RPS6KA1: variants seen among roughly 807,000 people sequenced by gnomAD.
RPS6KA1 encodes ribosomal protein S6 kinase A1, also known as ribosomal protein S6 kinase alpha-1.
A neutral mutation model predicts 91.3 loss-of-function variants in RPS6KA1; 48 were observed. The observed-to-expected ratio is 0.53, with a 90% CI of 0.42 to 0.67. The LOEUF is 0.67. Among genes scored for constraint, RPS6KA1 ranks in the 30% least tolerant of loss-of-function variants. The probability of loss-of-function intolerance (pLI) is 0.00; values close to 1 mark genes in which losing one functional copy is unlikely to be tolerated. For synonymous variants in RPS6KA1, 359 were observed against 384.7 expected (o/e 0.93, Z 0.78); for missense variants, 719 against 960.5 (o/e 0.75, Z 3.32).
Position 26,555,170 on chromosome 1 carries a change from C to T in RPS6KA1, c.776C>T (p.Ser259Phe). 6.2e-7 allele frequency: 1 copy of T among 1,614,124 alleles called. No homozygotes were observed. Among genetic ancestry groups the T allele is most frequent in the Non-Finnish European group, 8.5e-7 (1 of 1,179,992 alleles). The change falls in exon 10 of 22, where the codon TCC becomes TTC. Residue 259 changes from serine (S) to phenylalanine (F), a missense_variant. Ser to Phe is a radical substitution (Grantham distance 155, BLOSUM62 -2). Around this residue, in one of 5 missense-constraint regions of RPS6KA1, gnomAD observed 228 missense variants for 247.6 expected, o/e 0.92. Transcript: ENST00000374168. This position sits in a 1 kb window ranked among gnomAD's most constrained non-coding sequence, Gnocchi z 4.3. Reference protein sequence around the residue: ...GVLMFEMLTGSLPFQGKDRKE... With the variant: ...GVLMFEMLTGFLPFQGKDRKE... ...CTGCAGTTTGAGATGCTGACGGGCT[C>T]CCTGCCCTTCCAGGGGAAGGACCGG...
intron 17 of RPS6KA1, among the ~76,000 whole-genome samples, chr1:26,565,784 C>A (rs139035107): frequency 9.9e-5 from 15 of 152,070 alleles, no homozygotes; most frequent in African/African-American, 3.4e-4. Flanking sequence ...CTGGTCTCGA[C>A]CTCCTGACCT....
chr1:26,530,726 C>A, intron 1 of RPS6KA1: 1 of 1,279,894 alleles, frequency 7.8e-7, no homozygotes, highest in Non-Finnish European at 1.0e-6. Context: ...CCCAGACAAC[C>A]CAGCTCCTTC....
At chr1:26,542,006 C>T (rs1204001641) in intron 2 of RPS6KA1, among the ~76,000 whole-genome samples, 1 of 152,320 alleles carries the variant, frequency 6.6e-6, no homozygotes, top group Admixed American at 6.5e-5. Context: ...GTCCTCCCCC[C>T]GCCCGCCACC....
At chr1:26,532,674 G>A (rs891052367) in intron 1 of RPS6KA1, among the ~76,000 whole-genome samples, 1 of 152,252 alleles carries the variant, frequency 6.6e-6, no homozygotes, top group Non-Finnish European at 1.5e-5. Flanking sequence ...GCTGCTTCCT[G>A]CCTGTGGGGC....
In RPS6KA1 at chr1:26,551,841, G is replaced by A. The variant is rs2076053589; in HGVS notation, c.468+118G>A. On this transcript the variant is annotated intron_variant, in intron 6 of 21. Coordinates refer to ENST00000374168, the MANE Select transcript of RPS6KA1 (RefSeq NM_002953.4). This position sits in a 1 kb window ranked among gnomAD's most constrained non-coding sequence, Gnocchi z 4.5. Reference sequence around the variant, plus strand: ...ATGGCTTGAACCTGGAACCACCCAGGCCTGCCTAGCAGCCCCTGGCCCAGG... The same window carrying A: ...ATGGCTTGAACCTGGAACCACCCAGACCTGCCTAGCAGCCCCTGGCCCAGG... 1.2e-6 allele frequency: 1 copy of A among 857,144 alleles called. No homozygotes were observed. The highest frequency in any genetic ancestry group is 1.9e-6 in the Non-Finnish European group (1 of 520,008). 53.1% of individuals were successfully genotyped at this position (857,144 alleles called of 1,614,324 possible). A position where few individuals can be genotyped will look rare whatever the true frequency, so the allele number is the denominator to read the frequency against.
Position 26,551,557 on chromosome 1 carries a change from C to T in RPS6KA1, c.388+80C>T. ...TGTGGTCTGTACACTGTCCCACCGC[C>T]TGCCTGGCAGGCCAAGGGAGCCAGG... On this transcript the variant is annotated intron_variant, in intron 5 of 21. Coordinates refer to ENST00000374168, the MANE Select transcript of RPS6KA1 (RefSeq NM_002953.4). The surrounding 1 kb of genome is among the most constrained non-coding windows in gnomAD (Gnocchi z 4.5). The T allele has an allele frequency of 1.2e-6, 2 of 1,600,208 alleles. No individual in the cohort carries two copies. Among genetic ancestry groups the T allele is most frequent in the Admixed American group, 1.7e-5 (1 of 59,992 alleles).
chr1:26,553,523 C>G (rs745988842), intron 7 of RPS6KA1, 26 bp downstream of exon 7: 2 of 1,515,096 alleles, frequency 1.3e-6, no homozygotes, highest in South Asian at 2.3e-5. Flanking sequence ...AGCCCCACCC[C>G]AGCCTCCCCA....
Position 26,556,708 on chromosome 1 carries a change from T to C in RPS6KA1, c.971T>C (p.Ile324Thr), listed in dbSNP as rs1407828108. Residue 324 changes from isoleucine (I) to threonine (T), a missense_variant, in exon 12 of 22, where the codon ATT (isoleucine) becomes ACT (threonine). Ile to Thr is a moderately conservative substitution (Grantham distance 89, BLOSUM62 -1). This residue lies in a region of RPS6KA1 where 228 missense variants were observed against 247.6 expected (regional missense o/e 0.92). Coordinates refer to ENST00000374168, the MANE Select transcript of RPS6KA1 (RefSeq NM_002953.4). ...AAGCGGCATGTCTTCTACTCCACCA[T>C]TGACTGGAATGTGAGTGTGTCCACC... ...EIKRHVFYSTIDWNKLYRREI... is the reference protein window; with the variant it reads ...EIKRHVFYSTTDWNKLYRREI... 6.2e-7 allele frequency: 1 copy of C among 1,614,132 alleles called. No individual in the cohort carries two copies. Among genetic ancestry groups the C allele is most frequent in the Non-Finnish European group, 8.5e-7 (1 of 1,179,998 alleles).
intron 2 of RPS6KA1, among the ~76,000 whole-genome samples, chr1:26,539,774 C>G (rs540607042): frequency 5.1e-4 from 77 of 152,320 alleles, no homozygotes; most frequent in Non-Finnish European, 9.4e-4. Flanking sequence ...CACGTGGTAC[C>G]CTAAGGCACA....
At chr1:26,546,539 G>A (rs2075996104) in intron 2 of RPS6KA1, among the ~76,000 whole-genome samples, 1 of 152,158 alleles carries the variant, frequency 6.6e-6, no homozygotes, top group African/African-American at 2.4e-5. Context: ...ACAGGGGGAG[G>A]GAAGCCCCAC....
At chr1:26,543,028 C>T in intron 2 of RPS6KA1, 1 of 937,938 alleles carries the variant, frequency 1.1e-6, no homozygotes, top group Non-Finnish European at 1.6e-6. Context: ...GACCCATCAT[C>T]TGCCCCTCCT....
At chr1:26,530,252 C>A (rs1369275126) in intron 1 of RPS6KA1, among the ~76,000 whole-genome samples, 1 of 152,220 alleles carries the variant, frequency 6.6e-6, no homozygotes, top group Non-Finnish European at 1.5e-5. Flanking sequence ...TCACCCCACA[C>A]CTAGGACCCG....
At position 26,571,839 on chromosome 1, in the gene RPS6KA1, C is replaced by T. The variant is rs753147895; in HGVS notation, c.1753-10C>T. The T allele has an allele frequency of 1.2e-6, 2 of 1,607,798 alleles. No homozygotes were observed. Among genetic ancestry groups the T allele is most frequent in the Admixed American group, 1.7e-5 (1 of 59,994 alleles). On this transcript the variant is annotated splice_polypyrimidine_tract_variant and intron_variant, in intron 18 of 21. Coordinates refer to ENST00000374168, the MANE Select transcript of RPS6KA1 (RefSeq NM_002953.4). This position sits in a 1 kb window ranked among gnomAD's most constrained non-coding sequence, Gnocchi z 5.1. ...CCCCAGACTGACCACCTCCCCTGCCCTGTTGCCAGGTGCTGAAGCGCCAGG... is the reference window on the plus strand; with the variant it reads ...CCCCAGACTGACCACCTCCCCTGCCTTGTTGCCAGGTGCTGAAGCGCCAGG...
intron 17 of RPS6KA1, among the ~76,000 whole-genome samples, chr1:26,567,008 C>T (rs1353838400): frequency 6.8e-6 from 1 of 146,434 alleles, no homozygotes; most frequent in Non-Finnish European, 1.5e-5. Context: ...GTTCTGTGCA[C>T]TTTACATATT....
chr1:26,572,161 C>T lies in RPS6KA1; in HGVS notation c.1830-15C>T, dbSNP rs376634850. ...GGCCAGAGTCTGTACCCAGACCGTG[C>T]GGGCTTTTCTGCAGATATACTCCAT... On this transcript the variant is annotated splice_polypyrimidine_tract_variant and intron_variant, in intron 19 of 21. Transcript: ENST00000374168. 7.1e-5 allele frequency: 113 copies of T among 1,600,292 alleles called. No individual in the cohort carries two copies. Among genetic ancestry groups the T allele is most frequent in the Non-Finnish European group, 8.9e-5 (104 of 1,167,602 alleles).
intron 6 of RPS6KA1, chr1:26,552,709 A>G (rs1041095691): frequency 8.8e-5 from 19 of 216,756 alleles, no homozygotes; most frequent in Non-Finnish European, 1.3e-4. Flanking sequence ...CTGGTCTCGA[A>G]CTCCTGACCT....
At chr1:26,542,980 T>C in intron 2 of RPS6KA1, 1 of 606,688 alleles carries the variant, frequency 1.6e-6, no homozygotes, top group Non-Finnish European at 2.8e-6. Context: ...GGTCATGGGC[T>C]TGGGGTCTGC....
intron 14 of RPS6KA1, 113 bp downstream of exon 14, chr1:26,559,050 G>A (rs1049820723): frequency 4.6e-6 from 6 of 1,304,446 alleles, no homozygotes; most frequent in African/African-American, 4.4e-5. Context: ...TGTGGGACCA[G>A]TAGGGCCTCC....
At position 26,547,284 on chromosome 1, in the gene RPS6KA1, C is replaced by A; in HGVS notation, c.307+14C>A. On this transcript the variant is annotated intron_variant, in intron 4 of 21. Coordinates refer to ENST00000374168, the MANE Select transcript of RPS6KA1 (RefSeq NM_002953.4). This position sits in a 1 kb window ranked among gnomAD's most constrained non-coding sequence, Gnocchi z 4.1. ...CAACGCTGAAAGGTGAGTGGGGACACCTCCCTGTGCAGAACCCAGGCTTGG... is the reference window on the plus strand; with the variant it reads ...CAACGCTGAAAGGTGAGTGGGGACAACTCCCTGTGCAGAACCCAGGCTTGG... 1.2e-6 allele frequency: 2 copies of A among 1,610,462 alleles called. No homozygotes were observed. Among genetic ancestry groups the A allele is most frequent in the Non-Finnish European group, 1.7e-6 (2 of 1,177,998 alleles).
Sources: allele counts gnomAD v4.1 joint callset (sites outside exome capture counted in the v4.1 genomes callset), GRCh38; gene constraint gnomAD v4.1.1; regional missense constraint gnomAD v4.1.1; non-coding constraint Gnocchi (gnomAD v3.1); transcripts MANE v1.5; gene names NCBI Gene and HGNC (gene_info 2026-07-23, HGNC 2026-07-21).